The following RAPGEF2 variants were observed in gnomAD, a reference collection of about 807,000 sequenced individuals.
RAPGEF2 encodes PDZ domain containing guanine nucleotide exchange factor (GEF) 1.
RAPGEF2 carries 54 observed loss-of-function variants against 186.7 expected under a neutral mutation model. The ratio of observed to expected loss-of-function variants is 0.29; its 90% CI spans 0.23 to 0.36. The LOEUF (loss-of-function observed/expected upper bound fraction) is 0.36, where lower values mean the gene tolerates loss of function less well. Ranked by LOEUF, RAPGEF2 falls within the 10% of genes least tolerant of loss-of-function variation. The probability of loss-of-function intolerance (pLI) is 1.00; values close to 1 mark genes in which losing one functional copy is unlikely to be tolerated. For synonymous variants in RAPGEF2, 712 were observed against 705.9 expected (o/e 1.01, Z -0.14); for missense variants, 1,532 against 2,045.0 (o/e 0.75, Z 4.84).
chr4:159,300,160 TTATG>T (rs1461559851), intron 7 of RAPGEF2, among the ~76,000 whole-genome samples: 2 of 151,252 alleles, frequency 1.3e-5, no homozygotes, highest in African/African-American at 2.4e-5. Context: ...CTAATATACT[TTATG>T]TAAGTATTAC....
chr4:159,114,702 A>G (rs1298451745), intron 1 of RAPGEF2, among the ~76,000 whole-genome samples: 2 of 152,244 alleles, frequency 1.3e-5, no homozygotes, highest in Non-Finnish European at 2.9e-5. Context: ...CATGTATGTT[A>G]AGCAAAATAG....
intron 7 of RAPGEF2, among the ~76,000 whole-genome samples, chr4:159,284,913 C>A (rs1412438945): frequency 1.3e-5 from 2 of 152,036 alleles, no homozygotes; most frequent in East Asian, 3.9e-4. Context: ...ATTAGCGGGG[C>A]GTGGTGGAGC....
At chr4:159,117,021 G>C (rs192016210) in intron 1 of RAPGEF2, among the ~76,000 whole-genome samples, 4 of 152,214 alleles carry the variant, frequency 2.6e-5, no homozygotes, top group African/African-American at 9.6e-5. Context: ...ATGTATCCTG[G>C]AACTTAAAAA....
chr4:159,196,945 T>C (rs1331460932), intron 3 of RAPGEF2, among the ~76,000 whole-genome samples: 1 of 152,210 alleles, frequency 6.6e-6, no homozygotes. Flanking sequence ...TCAAATTGTG[T>C]TGGTTTGCAT....
intron 7 of RAPGEF2, among the ~76,000 whole-genome samples, chr4:159,261,254 G>A (rs753339368): frequency 1.3e-5 from 2 of 150,946 alleles, no homozygotes; most frequent in African/African-American, 2.4e-5. Context: ...AGTAGAGATG[G>A]GGTTTCACTG....
At chr4:159,250,958 C>T (rs553351294) in intron 7 of RAPGEF2, among the ~76,000 whole-genome samples, 18 of 152,300 alleles carry the variant, frequency 1.2e-4, no homozygotes, top group East Asian at 7.7e-4. Context: ...CTGTGCGCCA[C>T]GCTCATGGGC....
At chr4:159,106,440 C>T (rs1737894005) in intron 1 of RAPGEF2, among the ~76,000 whole-genome samples, 1 of 151,882 alleles carries the variant, frequency 6.6e-6, no homozygotes, top group South Asian at 2.1e-4. Flanking sequence ...GTAGAAGGTA[C>T]TTTTTATGTT....
chr4:159,181,541 C>T (rs558641393), intron 1 of RAPGEF2, among the ~76,000 whole-genome samples: 7 of 149,682 alleles, frequency 4.7e-5, no homozygotes, highest in African/African-American at 1.7e-4. Flanking sequence ...CTTACATTGT[C>T]AGAATATAAG....
chr4:159,156,367 TAA>T (rs1323476472), intron 1 of RAPGEF2, among the ~76,000 whole-genome samples: 1 of 152,134 alleles, frequency 6.6e-6, no homozygotes, highest in African/African-American at 2.4e-5. Context: ...ATAACACAAC[TAA>T]AAAAAGAAAA....
intron 26 of RAPGEF2, chr4:159,351,227 T>C: frequency 6.7e-7 from 1 of 1,489,188 alleles, no homozygotes; most frequent in Non-Finnish European, 9.0e-7. Context: ...AGAGGAATCA[T>C]CTCATTAGTT....
intron 7 of RAPGEF2, among the ~76,000 whole-genome samples, chr4:159,298,869 C>T (rs1762326379): frequency 6.6e-6 from 1 of 152,200 alleles, no homozygotes; most frequent in Non-Finnish European, 1.5e-5. Context: ...TTAGTCATTT[C>T]TGTGTGCCAG....
At chr4:159,308,371 T>C (rs570529454) in intron 8 of RAPGEF2, among the ~76,000 whole-genome samples, 2 of 152,336 alleles carry the variant, frequency 1.3e-5, no homozygotes, top group Admixed American at 6.5e-5. Context: ...AAACTTAACA[T>C]TTAGTAGAGA....
intron 8 of RAPGEF2, among the ~76,000 whole-genome samples, chr4:159,313,998 G>A (rs372078852): frequency 2.0e-5 from 3 of 152,292 alleles, no homozygotes; most frequent in South Asian, 4.1e-4. Flanking sequence ...CTGTGTTGAT[G>A]AATGGGAAGA....
chr4:159,118,488 C>T (rs1443626552), intron 1 of RAPGEF2, among the ~76,000 whole-genome samples: 1 of 151,728 alleles, frequency 6.6e-6, no homozygotes, highest in African/African-American at 2.4e-5. Context: ...CATCCTGCAC[C>T]CCCCCGCCCA....
At chr4:159,354,975 T>C (rs1339201681) in intron 28 of RAPGEF2, among the ~76,000 whole-genome samples, 2 of 152,082 alleles carry the variant, frequency 1.3e-5, no homozygotes, top group East Asian at 1.9e-4. Flanking sequence ...AGTAGGAAAA[T>C]TGTAGTTATT....
intron 4 of RAPGEF2, among the ~76,000 whole-genome samples, chr4:159,221,573 A>G (rs539675100): frequency 1.3e-5 from 2 of 152,288 alleles, no homozygotes; most frequent in East Asian, 1.9e-4. Flanking sequence ...TATAAAAACT[A>G]TCCTTCTAAG....
chr4:159,248,976 G>A (rs1442488624), intron 7 of RAPGEF2, among the ~76,000 whole-genome samples: 1 of 152,130 alleles, frequency 6.6e-6, no homozygotes, highest in African/African-American at 2.4e-5. Context: ...TTGTATTGAT[G>A]TCATAATTGG....
intron 7 of RAPGEF2, among the ~76,000 whole-genome samples, chr4:159,249,285 C>CT (rs34205767): frequency 0.069 from 8,481 of 123,172 alleles, 577 homozygotes; most frequent in African/African-American, 0.19. Flanking sequence ...AAAAAAGTCT[C>CT]TTTTTTTTTT....
chr4:159,168,831 G>A (rs144781858), intron 1 of RAPGEF2, among the ~76,000 whole-genome samples: 375 of 152,256 alleles, frequency 2.5e-3, no homozygotes, highest in African/African-American at 8.5e-3. Flanking sequence ...GAGGATCAAA[G>A]GCTAGAAGAG....
Sources: allele counts gnomAD v4.1 joint callset (sites outside exome capture counted in the v4.1 genomes callset), GRCh38; gene constraint gnomAD v4.1.1; transcripts MANE v1.5; gene names NCBI Gene and HGNC (gene_info 2026-07-23, HGNC 2026-07-21).